The following SCART1 variants were observed in gnomAD, a reference collection of about 807,000 sequenced individuals.
SCART1 encodes scavenger receptor cysteine-rich domain-containing protein SCART1.
SCART1 carries 62 observed loss-of-function variants against 36.2 expected under a neutral mutation model. The observed-to-expected ratio is 1.71, with a 90% CI of 1.40 to 2.12. The LOEUF (loss-of-function observed/expected upper bound fraction) is 2.12, where lower values mean the gene tolerates loss of function less well. SCART1 is among the 30% of genes most tolerant of loss of function. SCART1 has a pLI of 0.00. For missense variants in SCART1, 1,041 were observed against 540.5 expected (o/e 1.93, Z -9.18); for synonymous variants, 487 against 238.7 (o/e 2.04, Z -9.59).
At chr10:133,461,226 C>G (rs1850697985) in intron 6 of SCART1, among the ~76,000 whole-genome samples, 1 of 151,866 alleles carries the variant, frequency 6.6e-6, no homozygotes, top group Non-Finnish European at 1.5e-5. Flanking sequence ...CCCACCTGAC[C>G]TGCGGCCTCC....
intron 2 of SCART1, 47 bp from the exon 3 acceptor site, chr10:133,457,232 G>A (rs778510996): frequency 3.8e-5 from 26 of 686,386 alleles, no homozygotes; most frequent in Middle Eastern, 3.7e-4. Context: ...GTGACCATGC[G>A]GCCAGCTGGG....
At chr10:133,457,457 C>T (rs777405063) in exon 3 of SCART1, 6 of 702,428 alleles carry the variant, frequency 8.5e-6, no homozygotes, top group East Asian at 5.4e-5. Context: ...GGGACGTGGG[C>T]GTCGTCAGGA....
intron 1 of SCART1, 122 bp from the exon 2 acceptor site, chr10:133,456,115 G>C (rs1002848869): frequency 1.6e-6 from 1 of 623,198 alleles, no homozygotes; most frequent in African/African-American, 1.8e-5. Flanking sequence ...CTGCTTGGTG[G>C]GGTGAGAGGA....
intron 3 of SCART1, chr10:133,458,105 GA>G (rs1850642403): frequency 4.4e-6 from 3 of 682,408 alleles, no homozygotes; most frequent in Non-Finnish European, 8.0e-6. Context: ...CGGACAGGCA[GA>G]GGCTGTGAAA....
Position 133,457,461 on chromosome 10 carries a change from G to A in SCART1, c.568G>A (p.Val190Ile), listed in dbSNP as rs114995668. 1.1e-3 allele frequency: 775 copies of A among 702,616 alleles called. 5 individuals are homozygous for A. In the African/African-American group the frequency reaches 0.011, roughly 10 times the overall value. The allele number at this position is 702,616 out of a possible 1,614,324, so 43.5% of individuals were successfully genotyped here. ...GGCCCCCCGCCGGGACGTGGGCGTC[G>A]TCAGGAAGTACCTGGCCTGCAGGGG... The change falls in exon 3 of 12, where the codon GTC becomes ATC. Residue 190 changes from valine to isoleucine, a missense_variant. By Grantham distance (29) the Val-to-Ile change is conservative (BLOSUM62 3). Transcript: ENST00000640237.
chr10:133,462,094 C>T (rs1272961271), intron 6 of SCART1, among the ~76,000 whole-genome samples: 1 of 152,240 alleles, frequency 6.6e-6, no homozygotes, highest in East Asian at 1.9e-4. Flanking sequence ...AGGGTCCCTG[C>T]CTGACAGGGC....
chr10:133,460,126 G>T, exon 6 of SCART1: 1 of 517,104 alleles, frequency 1.9e-6, no homozygotes, highest in Non-Finnish European at 3.4e-6. Flanking sequence ...GGCTGGGGGC[G>T]GCACGACTGG....
intron 6 of SCART1, 131 bp downstream of exon 6, chr10:133,460,301 T>G: frequency 2.5e-6 from 1 of 398,328 alleles, no homozygotes; most frequent in Non-Finnish European, 4.4e-6. Context: ...CACAGTGGAT[T>G]GGGTGAGGTT....
At chr10:133,468,133 A>C (rs10776682) in exon 12 of SCART1, 171,611 of 521,234 alleles carry the variant, frequency 0.33, 30,845 homozygotes, top group African/African-American at 0.67. Context: ...CTGGCTCTAA[A>C]CCTCATCCCC....
exon 5 of SCART1, chr10:133,459,028 G>A (rs749952853): frequency 2.9e-6 from 2 of 689,226 alleles, no homozygotes; most frequent in African/African-American, 1.8e-5. Flanking sequence ...CAGAGTTCAG[G>A]ATGGTCAACG....
chr10:133,458,285 C>T (rs2480245), intron 3 of SCART1, 75 bp from the exon 4 acceptor site: 614,015 of 701,730 alleles, frequency 0.88, 269,309 homozygotes, highest in Middle Eastern at 0.92. Flanking sequence ...TGAAGCCTTC[C>T]GCAGTCTGAG....
intron 6 of SCART1, among the ~76,000 whole-genome samples, chr10:133,460,798 G>C (rs1850693031): frequency 6.6e-6 from 1 of 151,732 alleles, no homozygotes; most frequent in African/African-American, 2.4e-5. Context: ...GAGTGCAATG[G>C]TGCAATCTTG....
chr10:133,454,053 C>A (rs1306984122), exon 1 of SCART1: 3 of 702,888 alleles, frequency 4.3e-6, no homozygotes, highest in Non-Finnish European at 7.8e-6. Context: ...AATCTCTGGG[C>A]AGTCCCCATT....
intron 9 of SCART1, 148 bp from the exon 10 acceptor site, chr10:133,466,087 A>G (rs1452390824): frequency 8.0e-6 from 5 of 627,604 alleles, no homozygotes; most frequent in Non-Finnish European, 8.5e-6. Flanking sequence ...TGCACAGCTG[A>G]AACCAGCAGA....
exon 2 of SCART1, chr10:133,456,431 G>A (rs960894917): frequency 5.7e-6 from 4 of 702,828 alleles, no homozygotes; most frequent in Non-Finnish European, 1.0e-5. Flanking sequence ...TGGAGAGATG[G>A]CCCAGCCCTG....
downstream of SCART1, chr10:133,469,261 T>A (rs1850792810): frequency 1.3e-5 from 2 of 152,206 alleles, no homozygotes; most frequent in Non-Finnish European, 2.9e-5. Context: ...TTTAAGTTCC[T>A]TGTAGATTCT....
chr10:133,464,978 C>A (rs1850746134), intron 7 of SCART1, 67 bp downstream of exon 7: 2 of 701,838 alleles, frequency 2.8e-6, no homozygotes, highest in Admixed American at 2.0e-5. Context: ...GTTTATCTGT[C>A]CTGACAGGTC....
intron 2 of SCART1, among the ~76,000 whole-genome samples, chr10:133,456,875 T>G (rs1850623009): frequency 6.6e-6 from 1 of 151,966 alleles, no homozygotes; most frequent in Non-Finnish European, 1.5e-5. Flanking sequence ...CCCACACAGG[T>G]AGCTGATGAT....
At chr10:133,466,030 C>T (rs974551946) in intron 9 of SCART1, 40 of 653,312 alleles carry the variant, frequency 6.1e-5, no homozygotes, top group Non-Finnish European at 1.0e-4. Flanking sequence ...GGGGCTGTCC[C>T]TTGAAAGCAG....
Sources: allele counts gnomAD v4.1 joint callset (sites outside exome capture counted in the v4.1 genomes callset), GRCh38; gene constraint gnomAD v4.1.1; transcripts MANE v1.5; gene names NCBI Gene and HGNC (gene_info 2026-07-23, HGNC 2026-07-21).